The following KCNAB1 variants were observed in gnomAD, a reference collection of about 807,000 sequenced individuals.
The protein encoded by KCNAB1 is voltage-gated potassium channel subunit beta-1.
A neutral mutation model predicts 64.6 loss-of-function variants in KCNAB1; 35 were observed. That is an observed-to-expected ratio of 0.54 (90% CI 0.41 to 0.72). The LOEUF is 0.72. KCNAB1 is among the 30% of genes least tolerant of loss of function. The pLI, the probability that KCNAB1 is intolerant of heterozygous loss-of-function variation, is 0.00. For missense variants in KCNAB1, 401 were observed against 512.9 expected (o/e 0.78, Z 2.11); for synonymous variants, 177 against 183.8 (o/e 0.96, Z 0.30).
intron 1 of KCNAB1, among the ~76,000 whole-genome samples, chr3:156,244,878 A>T (rs1717364854): frequency 6.6e-6 from 1 of 152,166 alleles, no homozygotes; most frequent in African/African-American, 2.4e-5. Context: ...GTTTGGTTCT[A>T]CCTCATTTGC....
chr3:156,439,800 T>C (rs1447168123), intron 2 of KCNAB1, among the ~76,000 whole-genome samples: 1 of 152,206 alleles, frequency 6.6e-6, no homozygotes, highest in African/African-American at 2.4e-5. Context: ...ACGCCATCAG[T>C]GCTTTAAGAT....
intron 1 of KCNAB1, among the ~76,000 whole-genome samples, chr3:156,319,527 G>A (rs141753646): frequency 1.9e-4 from 29 of 152,268 alleles, no homozygotes; most frequent in African/African-American, 6.7e-4. Context: ...CTTAAGAAGG[G>A]CAGGGAAGTA....
At chr3:156,317,995 A>T (rs1332788812) in intron 1 of KCNAB1, among the ~76,000 whole-genome samples, 3 of 152,252 alleles carry the variant, frequency 2.0e-5, no homozygotes, top group Non-Finnish European at 4.4e-5. Context: ...TACCTAAGGT[A>T]GAGGTACTCC....
At chr3:156,388,767 ACT>A (rs1443206135) in intron 1 of KCNAB1, among the ~76,000 whole-genome samples, 1 of 152,034 alleles carries the variant, frequency 6.6e-6, no homozygotes, top group Non-Finnish European at 1.5e-5. Context: ...CACAGTTCAA[ACT>A]CTCTGCAGCA....
chr3:156,253,206 A>G (rs546819520), intron 1 of KCNAB1, among the ~76,000 whole-genome samples: 49 of 152,356 alleles, frequency 3.2e-4, no homozygotes, highest in Non-Finnish European at 4.7e-4. Flanking sequence ...TTCAATTTAA[A>G]GAAATAGTTT....
intron 1 of KCNAB1, among the ~76,000 whole-genome samples, chr3:156,182,694 A>C (rs1194048315): frequency 1.0e-5 from 1 of 99,932 alleles, no homozygotes; most frequent in Non-Finnish European, 2.1e-5. Context: ...AAAGTAAGAC[A>C]ATTTTTTTTT....
chr3:156,416,128 T>C (rs1158585549), intron 1 of KCNAB1, among the ~76,000 whole-genome samples: 1 of 152,196 alleles, frequency 6.6e-6, no homozygotes, highest in African/African-American at 2.4e-5. Context: ...TCCACTCCAC[T>C]AAATCCGATT....
At chr3:156,376,707 A>G (rs1401333247) in intron 1 of KCNAB1, among the ~76,000 whole-genome samples, 3 of 152,200 alleles carry the variant, frequency 2.0e-5, no homozygotes, top group Non-Finnish European at 2.9e-5. Flanking sequence ...AAGAAAAGGG[A>G]GAATCTGCGG....
intron 1 of KCNAB1, among the ~76,000 whole-genome samples, chr3:156,157,732 T>G (rs1483955644): frequency 6.6e-6 from 1 of 152,216 alleles, no homozygotes; most frequent in Non-Finnish European, 1.5e-5. Flanking sequence ...ATAGATATTA[T>G]GCTTAACAAC....
At chr3:156,440,252 A>T (rs1716898583) in intron 2 of KCNAB1, among the ~76,000 whole-genome samples, 1 of 152,208 alleles carries the variant, frequency 6.6e-6, no homozygotes, top group South Asian at 2.1e-4. Context: ...AAATATTTAT[A>T]TTTTTTGATG....
intron 1 of KCNAB1, among the ~76,000 whole-genome samples, chr3:156,334,596 G>A (rs1199965049): frequency 6.6e-6 from 1 of 152,204 alleles, no homozygotes; most frequent in East Asian, 1.9e-4. Flanking sequence ...ATGAGAAAAA[G>A]TGTATGATAT....
intron 2 of KCNAB1, among the ~76,000 whole-genome samples, chr3:156,448,784 A>C (rs1228384998): frequency 6.6e-6 from 1 of 152,066 alleles, no homozygotes; most frequent in Non-Finnish European, 1.5e-5. Context: ...ATAAGTCATA[A>C]TAAAGATGTT....
At chr3:156,416,847 T>C (rs1355978171) in intron 1 of KCNAB1, among the ~76,000 whole-genome samples, 3 of 152,164 alleles carry the variant, frequency 2.0e-5, no homozygotes, top group African/African-American at 7.2e-5. Context: ...CCAAAGAAAA[T>C]GAATAAGAAC....
chr3:156,345,947 T>C (rs1724454464), intron 1 of KCNAB1, among the ~76,000 whole-genome samples: 1 of 152,152 alleles, frequency 6.6e-6, no homozygotes, highest in South Asian at 2.1e-4. Flanking sequence ...CTCAGCTTAA[T>C]TTTTGGAGCC....
chr3:156,302,391 A>G (rs1721212004), intron 1 of KCNAB1, among the ~76,000 whole-genome samples: 1 of 152,182 alleles, frequency 6.6e-6, no homozygotes, highest in Non-Finnish European at 1.5e-5. Context: ...TGCCACCCAT[A>G]TCATGCAAAA....
intron 8 of KCNAB1, among the ~76,000 whole-genome samples, chr3:156,512,951 G>A (rs913207782): frequency 6.6e-6 from 1 of 152,166 alleles, no homozygotes; most frequent in African/African-American, 2.4e-5. Context: ...AGTGGCTCAC[G>A]CCTGTAATCC....
At chr3:156,405,826 T>A (rs1466709921) in intron 1 of KCNAB1, among the ~76,000 whole-genome samples, 1 of 152,254 alleles carries the variant, frequency 6.6e-6, no homozygotes, top group East Asian at 1.9e-4. Context: ...AGAGTTTTCT[T>A]CCTTCCAACC....
chr3:156,127,883 G>GT (rs1713747119), intron 1 of KCNAB1, among the ~76,000 whole-genome samples: 5 of 127,540 alleles, frequency 3.9e-5, no homozygotes, highest in South Asian at 2.9e-4. Flanking sequence ...TCTTCATTTG[G>GT]GGTGTGTGTG....
chr3:156,446,003 T>G (rs1476360150), intron 2 of KCNAB1: 2 of 152,238 alleles, frequency 1.3e-5, no homozygotes, highest in Non-Finnish European at 2.9e-5. Context: ...TAAAAAATTC[T>G]AATGATGTAG....
Sources: gnomAD v4.1 joint callset for allele counts (sites outside exome capture counted in the v4.1 genomes callset) on GRCh38, gnomAD v4.1.1 for gene constraint, MANE v1.5 for transcripts, NCBI Gene and HGNC (gene_info 2026-07-23, HGNC 2026-07-21) for gene names.